Variants in PTPRM observed in about 807,000 individuals in gnomAD.
The protein encoded by PTPRM is receptor-type tyrosine-protein phosphatase mu.
A neutral mutation model predicts 186.7 loss-of-function variants in PTPRM; 47 were observed. The ratio of observed to expected loss-of-function variants is 0.25; its 90% CI spans 0.20 to 0.32. The LOEUF is 0.32. Among genes scored for constraint, PTPRM ranks in the 10% least tolerant of loss-of-function variants. PTPRM has a pLI of 1.00. For synonymous variants in PTPRM, 668 were observed against 674.9 expected (o/e 0.99, Z 0.16); for missense variants, 1,494 against 1,865.0 (o/e 0.80, Z 3.66).
chr18:8,290,953 C>T (rs2095036330), intron 19 of PTPRM, among the ~76,000 whole-genome samples: 1 of 152,020 alleles, frequency 6.6e-6, no homozygotes, highest in African/African-American at 2.4e-5. Context: ...TTAAAATCTG[C>T]CCTAAACACT....
chr18:8,261,905 T>C (rs2094635736), intron 19 of PTPRM, among the ~76,000 whole-genome samples: 1 of 152,206 alleles, frequency 6.6e-6, no homozygotes. Context: ...CTTGTTAACA[T>C]GCTTTTAGTG....
At chr18:7,665,472 G>A (rs1455828453) in intron 1 of PTPRM, among the ~76,000 whole-genome samples, 3 of 152,106 alleles carry the variant, frequency 2.0e-5, no homozygotes, top group African/African-American at 7.2e-5. Flanking sequence ...TGTAAGATCA[G>A]GTTCTAGTTT....
At position 7,568,682 on chromosome 18, in the gene PTPRM, G is replaced by C. The variant is rs1190826970; in HGVS notation, c.73+791G>C. The stretch of plus-strand genomic sequence containing the variant: ...GCCCGGGGGTCCCAGGTGGGAAGGA[G>C]AGGCACTGGCGGTGTGCGAGCAAGC... On this transcript the variant is annotated intron_variant, in intron 1 of 32. Coordinates refer to ENST00000580170, the MANE Select transcript of PTPRM (RefSeq NM_001105244.2). The surrounding 1 kb of genome is among the most constrained non-coding windows in gnomAD (Gnocchi z 5.1). Among the ~76,000 whole-genome samples the C allele has an allele frequency of 2.0e-5, 3 of 152,180 alleles. No homozygotes were observed. The highest frequency in any genetic ancestry group is 7.2e-5 in the African/African-American group (3 of 41,458).
intron 14 of PTPRM, among the ~76,000 whole-genome samples, chr18:8,162,868 T>A (rs1397350366): frequency 6.6e-6 from 1 of 152,148 alleles, no homozygotes; most frequent in Non-Finnish European, 1.5e-5. Flanking sequence ...AAGTGTCCAA[T>A]CCACAGCCTG....
chr18:8,020,097 A>T (rs1288920210), intron 7 of PTPRM, among the ~76,000 whole-genome samples: 1 of 152,152 alleles, frequency 6.6e-6, no homozygotes, highest in Non-Finnish European at 1.5e-5. Context: ...TTTATCATTA[A>T]CTGTTTGCAT....
chr18:7,889,396 T>C (rs1177010494), intron 3 of PTPRM, among the ~76,000 whole-genome samples: 2 of 149,230 alleles, frequency 1.3e-5, no homozygotes, highest in African/African-American at 2.5e-5. Context: ...GAGTACAGTG[T>C]TGTGATCACA....
chr18:7,810,397 G>T (rs760345693), intron 2 of PTPRM, among the ~76,000 whole-genome samples: 3 of 152,214 alleles, frequency 2.0e-5, no homozygotes, highest in Non-Finnish European at 4.4e-5. Flanking sequence ...ATAGCCTGGG[G>T]ATGCAAATTA....
rs71354588 is a variant in PTPRM, at chr18:8,023,870, A to ACACACACACACACG, written c.1133-45815_1133-45814insACACACACACACGC. Among the ~76,000 whole-genome samples, 517 of 149,356 alleles carry ACACACACACACACG rather than the reference A, an allele frequency of 3.5e-3. 1 individual carries two copies. The highest frequency in any genetic ancestry group is 7.5e-3 in the South Asian group (35 of 4,660). On this transcript the variant is annotated intron_variant, in intron 7 of 32. Coordinates refer to ENST00000580170, the MANE Select transcript of PTPRM (RefSeq NM_001105244.2). The stretch of plus-strand genomic sequence containing the variant: ...CACACACACACACACACACACACAC[A>ACACACACACACACG]CGCACACCCCTCCTATGAATGAACC...
intron 32 of PTPRM, chr18:8,399,887 G>A (rs1453726512): frequency 6.6e-6 from 1 of 152,294 alleles, no homozygotes; most frequent in Non-Finnish European, 1.5e-5. Flanking sequence ...CAAATAGAAT[G>A]TAGCCGGATA....
At chr18:8,006,443 C>T (rs9807625) in intron 7 of PTPRM, among the ~76,000 whole-genome samples, 84,880 of 152,026 alleles carry the variant, frequency 0.56, 24,062 homozygotes, top group Non-Finnish European at 0.62. Flanking sequence ...TCCTTTCTGG[C>T]CTTCCTGTGT....
chr18:7,690,230 T>C (rs1191764393), intron 1 of PTPRM, among the ~76,000 whole-genome samples: 1 of 152,198 alleles, frequency 6.6e-6, no homozygotes, highest in Non-Finnish European at 1.5e-5. Flanking sequence ...ACAATGGCCC[T>C]CTTGCTAGTC....
intron 1 of PTPRM, among the ~76,000 whole-genome samples, chr18:7,660,693 A>G (rs9965207): frequency 0.19 from 28,559 of 152,142 alleles, 3,726 homozygotes; most frequent in African/African-American, 0.37. Context: ...TCTTGAGACC[A>G]TCACAGCCTC....
At chr18:8,146,661 A>C (rs1434836857) in intron 14 of PTPRM, among the ~76,000 whole-genome samples, 1 of 151,912 alleles carries the variant, frequency 6.6e-6, no homozygotes, top group Non-Finnish European at 1.5e-5. Flanking sequence ...GTTTAATTAG[A>C]TCTCATTTGT....
chr18:8,172,903 A>C (rs558186247), intron 14 of PTPRM, among the ~76,000 whole-genome samples: 1 of 152,290 alleles, frequency 6.6e-6, no homozygotes, highest in South Asian at 2.1e-4. Context: ...GAGTATGATG[A>C]TGCATGAAAC....
chr18:7,579,520 C>A (rs1454353898), intron 1 of PTPRM, among the ~76,000 whole-genome samples: 1 of 152,200 alleles, frequency 6.6e-6, no homozygotes, highest in African/African-American at 2.4e-5. Flanking sequence ...AGAGGCTTTT[C>A]AGCATTAGAA....
chr18:7,860,432 G>A (rs549776814), intron 2 of PTPRM, among the ~76,000 whole-genome samples: 40 of 152,118 alleles, frequency 2.6e-4, no homozygotes, highest in Non-Finnish European at 5.7e-4. Context: ...CAGATAAACA[G>A]ATGGATCTAT....
At chr18:8,394,284 G>A (rs1360999597) in intron 31 of PTPRM, among the ~76,000 whole-genome samples, 192 bp from the exon 32 acceptor site, 3 of 152,172 alleles carry the variant, frequency 2.0e-5, no homozygotes, top group African/African-American at 7.2e-5. Context: ...CAGGTGACCT[G>A]TGGCCAAACA....
intron 1 of PTPRM, among the ~76,000 whole-genome samples, chr18:7,712,212 A>C (rs2040228140): frequency 1.3e-5 from 2 of 152,186 alleles, no homozygotes. Context: ...GTACCCAGGC[A>C]AAACAGGGTC....
chr18:8,358,601 T>C (rs1441952245), intron 23 of PTPRM, among the ~76,000 whole-genome samples: 1 of 152,166 alleles, frequency 6.6e-6, no homozygotes. Context: ...AGGTGACCTC[T>C]CCGCCTACTT....
Sources: gnomAD v4.1 joint callset for allele counts (sites outside exome capture counted in the v4.1 genomes callset) on GRCh38, gnomAD v4.1.1 for gene constraint, Gnocchi (gnomAD v3.1) non-coding constraint, MANE v1.5 for transcripts, NCBI Gene and HGNC (gene_info 2026-07-23, HGNC 2026-07-21) for gene names.